Variants in SPAG6 observed in about 807,000 individuals in gnomAD.
The protein encoded by SPAG6 is sperm associated antigen 6.
A neutral mutation model predicts 58.5 loss-of-function variants in SPAG6; 49 were observed. The observed-to-expected ratio is 0.84, with a 90% CI of 0.67 to 1.06. The LOEUF (loss-of-function observed/expected upper bound fraction) is 1.06. SPAG6 is among the 50% of genes least tolerant of loss of function. The pLI, the probability that SPAG6 is intolerant of heterozygous loss-of-function variation, is 0.00. For missense variants in SPAG6, 560 were observed against 611.3 expected (o/e 0.92, Z 0.89); for synonymous variants, 233 against 225.6 (o/e 1.03, Z -0.29).
intron 2 of SPAG6, among the ~76,000 whole-genome samples, chr10:22,359,906 A>G (rs1836987522): frequency 1.3e-5 from 2 of 152,230 alleles, no homozygotes; most frequent in Non-Finnish European, 2.9e-5. Flanking sequence ...TTTTAAAAGA[A>G]CAAAGTTGCA....
At chr10:22,409,581 A>T (rs898151845) in intron 9 of SPAG6, among the ~76,000 whole-genome samples, 1 of 152,242 alleles carries the variant, frequency 6.6e-6, no homozygotes. Context: ...TAAAAGAAGG[A>T]ATGAGTGAAT....
At chr10:22,405,015 A>G (rs1402998866) in intron 9 of SPAG6, among the ~76,000 whole-genome samples, 1 of 152,166 alleles carries the variant, frequency 6.6e-6, no homozygotes, top group Admixed American at 6.5e-5. Context: ...GAAGTTGCTT[A>G]TCAGCTTAAA....
chr10:22,364,775 T>G (rs1588642396), intron 2 of SPAG6, 78 bp from the exon 3 acceptor site: 14 of 1,003,560 alleles, frequency 1.4e-5, no homozygotes, highest in Middle Eastern at 2.2e-4. Context: ...AATTTTACTG[T>G]CTGCATATAT....
At position 22,351,321 on chromosome 10, in the gene SPAG6, T is replaced by A. The variant is rs1836721565; in HGVS notation, c.121+5503T>A. Among the ~76,000 whole-genome samples the A allele has an allele frequency of 2.0e-5, 3 of 152,192 alleles. No homozygotes were observed. The South Asian group carries it at 6.2e-4, about 31-fold the overall frequency. ...GGCTTCCTTGGGCTTCTAATTAGAA[T>A]CTTAATCAAACCAGGAGCTCTTTAA... is the stretch of plus-strand genomic sequence containing the variant. On this transcript the variant is annotated intron_variant, in intron 2 of 10. Coordinates refer to ENST00000376624, the MANE Select transcript of SPAG6 (RefSeq NM_012443.4).
Position 22,404,643 on chromosome 10 carries a change from T to G in SPAG6, c.1314+3366T>G, listed in dbSNP as rs866660797. Among the ~76,000 whole-genome samples the G allele has an allele frequency of 2.7e-3, 359 of 131,638 alleles. 2 individuals are homozygous for G. The highest frequency in any genetic ancestry group is 9.8e-3 in the African/African-American group (336 of 34,266). The allele number at this position is 131,638 out of a possible 152,430, so 86.4% of individuals were successfully genotyped here. A position where few individuals can be genotyped will look rare whatever the true frequency, so the allele number is the denominator to read the frequency against. On this transcript the variant is annotated intron_variant, in intron 9 of 10. Coordinates refer to ENST00000376624, the MANE Select transcript of SPAG6 (RefSeq NM_012443.4). Reference sequence around the variant, plus strand: ...GGCTCTTTTTTGGTTCCATATGAACTTTAAAGTAGTTTTTTCCAATTCTGT... The same window carrying G: ...GGCTCTTTTTTGGTTCCATATGAACGTTAAAGTAGTTTTTTCCAATTCTGT...
rs189997878 is a variant in SPAG6 at position 22,368,518 on chromosome 10, C to T, written c.312C>T (p.Ala104=). The change falls in exon 4 of 11, where the codon GCC becomes GCT. Residue 104 remains alanine (A), a synonymous_variant. Coordinates refer to ENST00000376624, the MANE Select transcript of SPAG6 (RefSeq NM_012443.4). ...EQNRFYKKAA[A]FVLRAVGKHS... ...AGCGCTTCTACAAGAAAGCAGCTGC[C>T]TTTGTGTTACGAGCAGTTGGTAAAC... The T allele has an allele frequency of 6.2e-7, 1 of 1,613,610 alleles. No homozygotes were observed. The highest frequency in any genetic ancestry group is 2.2e-5 in the East Asian group (1 of 44,866).
chr10:22,390,850 A>G (rs573567713), intron 7 of SPAG6, among the ~76,000 whole-genome samples: 2 of 152,348 alleles, frequency 1.3e-5, no homozygotes, highest in South Asian at 4.1e-4. Context: ...CCAAATTAAA[A>G]AGCAAAGAAT....
chr10:22,377,728 T>A (rs11012972), intron 4 of SPAG6, among the ~76,000 whole-genome samples: 4 of 152,118 alleles, frequency 2.6e-5, no homozygotes, highest in African/African-American at 9.7e-5. Flanking sequence ...ACATGACATC[T>A]ACATATTACC....
intron 7 of SPAG6, among the ~76,000 whole-genome samples, chr10:22,390,248 G>A (rs10508643): frequency 0.032 from 4,866 of 152,188 alleles, 290 homozygotes; most frequent in African/African-American, 0.11. Context: ...GAAGGGTCAC[G>A]GTAAGGATGT....
chr10:22,355,638 TTG>T (rs1836844817), intron 2 of SPAG6, among the ~76,000 whole-genome samples: 1 of 152,248 alleles, frequency 6.6e-6, no homozygotes, highest in Non-Finnish European at 1.5e-5. Context: ...ACAAGACTTT[TTG>T]TGTGTTATAA....
chr10:22,381,431 G>A (rs1454477795), intron 4 of SPAG6, among the ~76,000 whole-genome samples: 1 of 150,742 alleles, frequency 6.6e-6, no homozygotes, highest in Non-Finnish European at 1.5e-5. Context: ...TAGCAACACT[G>A]GGCTGAAATT....
At chr10:22,415,237 AAT>A (rs1157516299) in intron 10 of SPAG6, among the ~76,000 whole-genome samples, 13 of 150,606 alleles carry the variant, frequency 8.6e-5, no homozygotes, top group Non-Finnish European at 1.8e-4. Context: ...GTAAAATATT[AAT>A]ATGTTAATAT....
At chr10:22,397,568 G>T (rs1046942567) in intron 8 of SPAG6, among the ~76,000 whole-genome samples, 2 of 152,092 alleles carry the variant, frequency 1.3e-5, no homozygotes, top group Non-Finnish European at 2.9e-5. Context: ...CACCTGCCTC[G>T]GCCTCCCAAA....
At chr10:22,394,512 A>G (rs1302863578) in intron 8 of SPAG6, among the ~76,000 whole-genome samples, 3 of 152,278 alleles carry the variant, frequency 2.0e-5, no homozygotes. Context: ...GTACCATTGA[A>G]TGGTTTTGGG....
intron 2 of SPAG6, among the ~76,000 whole-genome samples, chr10:22,349,888 C>G (rs1836669879): frequency 6.6e-6 from 1 of 151,956 alleles, no homozygotes; most frequent in African/African-American, 2.4e-5. Flanking sequence ...GTATCTGGAG[C>G]AGGGTAAAAG....
At chr10:22,373,741 T>C (rs1833758084) in intron 4 of SPAG6, among the ~76,000 whole-genome samples, 1 of 152,192 alleles carries the variant, frequency 6.6e-6, no homozygotes, top group Non-Finnish European at 1.5e-5. Flanking sequence ...TACCTTTTTT[T>C]CTATTGTAGG....
chr10:22,401,973 T>A (rs1195213073), intron 9 of SPAG6, among the ~76,000 whole-genome samples: 1 of 152,064 alleles, frequency 6.6e-6, no homozygotes, highest in Non-Finnish European at 1.5e-5. Flanking sequence ...GAAAATGGGG[T>A]CTGTACAAGT....
rs371092817 is a variant in SPAG6 at position 22,364,978 on chromosome 10, G to A, written c.247G>A (p.Asp83Asn). 7.1e-5 allele frequency: 114 copies of A among 1,611,952 alleles called. 1 individual carries two copies. The Middle Eastern group carries it at 3.0e-3, about 42-fold the overall frequency. ...DDLAEAVVKC[D>N]ILPQLVYSLA... ...CCTAGCAGAAGCTGTTGTGAAGTGCGACATTCTTCCACAGCTTGTTTATTC... is the reference window on the plus strand; with the variant it reads ...CCTAGCAGAAGCTGTTGTGAAGTGCAACATTCTTCCACAGCTTGTTTATTC... The change falls in exon 3 of 11, where the codon GAC (aspartate) becomes AAC (asparagine). Residue 83 changes from aspartate (D) to asparagine (N), a missense_variant. Physicochemically the swap from Asp to Asn is conservative, Grantham distance 23. Coordinates refer to ENST00000376624, the MANE Select transcript of SPAG6 (RefSeq NM_012443.4).
At chr10:22,401,635 G>T (rs1588557176) in intron 9 of SPAG6, among the ~76,000 whole-genome samples, 1 of 152,132 alleles carries the variant, frequency 6.6e-6, no homozygotes, top group African/African-American at 2.4e-5. Context: ...AAGGAAAAAG[G>T]TTTCTGAGCC....
Sources: gnomAD v4.1 joint callset for allele counts (sites outside exome capture counted in the v4.1 genomes callset) on GRCh38, gnomAD v4.1.1 for gene constraint, MANE v1.5 for transcripts, NCBI Gene and HGNC (gene_info 2026-07-23, HGNC 2026-07-21) for gene names.